The following STARD13 variants were observed in gnomAD, a reference collection of about 807,000 sequenced individuals.
STARD13 encodes StAR related lipid transfer domain containing 13.
STARD13 carries 62 observed loss-of-function variants against 106.4 expected under a neutral mutation model. That is an observed-to-expected ratio of 0.58 (90% CI 0.48 to 0.72). The LOEUF is 0.72. Ranked by LOEUF, STARD13 falls within the 30% of genes least tolerant of loss-of-function variation. STARD13 has a pLI of 0.00. For synonymous variants in STARD13, 565 were observed against 553.0 expected (o/e 1.02, Z -0.31); for missense variants, 1,387 against 1,424.0 (o/e 0.97, Z 0.42).
At chr13:33,430,118 C>T in the STARD13 span, among the ~76,000 whole-genome samples, 1 of 152,150 alleles carries the variant, frequency 6.6e-6, no homozygotes, top group African/African-American at 2.4e-5. Flanking sequence ...GGGGTTTCAC[C>T]ATGTTAGCCA....
chr13:33,534,017 C>T, the STARD13 span, among the ~76,000 whole-genome samples: 1 of 152,170 alleles, frequency 6.6e-6, no homozygotes, highest in South Asian at 2.1e-4. Flanking sequence ...GAACGTTGTG[C>T]TTAGGACTTT....
chr13:33,127,590 T>G, intron 5 of STARD13, 44 bp from the exon 6 acceptor site: 1 of 1,498,838 alleles, frequency 6.7e-7, no homozygotes, highest in South Asian at 1.3e-5. Flanking sequence ...CAAAGTGGAC[T>G]TGGTAGCGGG....
Position 33,285,532 on chromosome 13 carries a change from C to A in STARD13, c.107G>T (p.Arg36Leu). ...AATCCGGCTCATCCTGTAAGGAGAGCGTCTTGTAGTCTGATCAAATCGCAA... is the reference window on the plus strand; with the variant it reads ...AATCCGGCTCATCCTGTAAGGAGAGAGTCTTGTAGTCTGATCAAATCGCAA... ...MYLRFDQTTR[R>L]SPYRMSRILA... The change falls in exon 1 of 14, where the codon CGC becomes CTC. Residue 36 changes from arginine (R) to leucine (L), a missense_variant. Arg to Leu is a moderately radical substitution (Grantham distance 102). Coordinates refer to ENST00000336934, the MANE Select transcript of STARD13 (RefSeq NM_178006.4). 6.2e-7 allele frequency: 1 copy of A among 1,614,014 alleles called. No individual in the cohort carries two copies. Among genetic ancestry groups the A allele is most frequent in the Non-Finnish European group, 8.5e-7 (1 of 1,179,920 alleles).
In STARD13 at chr13:33,343,541, G is replaced by A. The variant is rs576861266; in HGVS notation, c.124+6749C>T. On this transcript the variant is annotated intron_variant, in intron 1 of 5. Coordinates refer to the STARD13 transcript ENST00000567873. Reference sequence around the variant, plus strand: ...TGCACTGAGCCATGATTCCATCACCGTACTCCAGACTGGGCAACAGATTGA... The same window carrying A: ...TGCACTGAGCCATGATTCCATCACCATACTCCAGACTGGGCAACAGATTGA... 1.4e-4 allele frequency among the ~76,000 whole-genome samples: 17 copies of A among 117,894 alleles called. No homozygotes were observed. In the East Asian group the frequency reaches 3.2e-3, roughly 22 times the overall value. 77.3% of individuals were successfully genotyped at this position (117,894 alleles called of 152,430 possible).
At chr13:33,182,743 A>C (rs973161372) in intron 1 of STARD13, among the ~76,000 whole-genome samples, 1 of 152,210 alleles carries the variant, frequency 6.6e-6, no homozygotes. Flanking sequence ...CTAAACCAGG[A>C]CTTCTGCAAC....
chr13:33,281,623 A>C (rs1199816838), intron 1 of STARD13: 1 of 152,226 alleles, frequency 6.6e-6, no homozygotes, highest in Non-Finnish European at 1.5e-5. Flanking sequence ...ATAGATATAC[A>C]ATGGAATATT....
the STARD13 span, among the ~76,000 whole-genome samples, chr13:33,615,762 A>G: frequency 6.6e-6 from 1 of 152,196 alleles, no homozygotes; most frequent in African/African-American, 2.4e-5. Flanking sequence ...TTCCTTTCCA[A>G]TAGCATCGCT....
the STARD13 span, among the ~76,000 whole-genome samples, chr13:33,400,732 G>T: frequency 6.6e-6 from 1 of 152,096 alleles, no homozygotes; most frequent in Non-Finnish European, 1.5e-5. Flanking sequence ...CAAAGTGCTG[G>T]GATTACAGGC....
the STARD13 span, among the ~76,000 whole-genome samples, chr13:33,364,780 T>C: frequency 6.0e-4 from 91 of 152,174 alleles, no homozygotes; most frequent in African/African-American, 2.0e-3. Context: ...TCCCAGCTAC[T>C]CGGGAGGCTG....
chr13:33,395,866 G>A, the STARD13 span, among the ~76,000 whole-genome samples: 1 of 151,978 alleles, frequency 6.6e-6, no homozygotes, highest in Admixed American at 6.6e-5. Flanking sequence ...TTTAAAGACG[G>A]GGGTCTCATC....
intron 7 of STARD13, among the ~76,000 whole-genome samples, chr13:33,123,345 G>T (rs562426002): frequency 6.6e-6 from 1 of 152,044 alleles, no homozygotes; most frequent in Non-Finnish European, 1.5e-5. Flanking sequence ...AATCTTTTTC[G>T]GGACTTAATG....
chr13:33,545,705 G>A, the STARD13 span, among the ~76,000 whole-genome samples: 1 of 152,146 alleles, frequency 6.6e-6, no homozygotes, highest in South Asian at 2.1e-4. Flanking sequence ...TGTCAGAGCT[G>A]GTTGTTAAGA....
In STARD13 at chr13:33,111,829, T is replaced by C. The variant is rs146676204; in HGVS notation, c.2556A>G (p.Ala852=). The C allele has an allele frequency of 1.1e-5, 17 of 1,614,098 alleles. No individual in the cohort carries two copies. In the African/African-American group the frequency reaches 2.1e-4, roughly 20 times the overall value. Residue 852 remains alanine (A), a synonymous_variant, in exon 10 of 14, where the codon GCA becomes GCG. Coordinates refer to ENST00000336934, the MANE Select transcript of STARD13 (RefSeq NM_178006.4). ...TCATGTGCGCTAGCCCCTGAGCTGC[T>C]GCCAGATTCTCGTTGAGGTCCTTTT... The part of the protein sequence containing the change: ...PDQKDLNENL[A]AAQGLAHMIM...
At chr13:33,634,426 C>T in the STARD13 span, among the ~76,000 whole-genome samples, 2 of 152,078 alleles carry the variant, frequency 1.3e-5, no homozygotes, top group South Asian at 2.1e-4. Flanking sequence ...ACTTTGGAAC[C>T]GTTTCTAAAC....
At chr13:33,529,082 G>A in the STARD13 span, among the ~76,000 whole-genome samples, 1 of 152,062 alleles carries the variant, frequency 6.6e-6, no homozygotes, top group African/African-American at 2.4e-5. Flanking sequence ...GGAAGCCAGA[G>A]ATCTAACTGT....
the STARD13 span, among the ~76,000 whole-genome samples, chr13:33,577,611 A>ATTCAATGGAGGAAGGACAGTCTT: frequency 6.6e-6 from 1 of 152,164 alleles, no homozygotes; most frequent in Admixed American, 6.5e-5. Context: ...AGTGAAGACA[A>ATTCAATGGAGGAAGGACAGTCTT]TTCAATGGAG....
At chr13:33,249,089 T>C (rs1445565269) in intron 1 of STARD13, among the ~76,000 whole-genome samples, 1 of 152,178 alleles carries the variant, frequency 6.6e-6, no homozygotes, top group Non-Finnish European at 1.5e-5. Flanking sequence ...ATAGGTGACA[T>C]GCTACATGAC....
At chr13:33,621,549 G>A in the STARD13 span, among the ~76,000 whole-genome samples, 2 of 151,502 alleles carry the variant, frequency 1.3e-5, no homozygotes, top group East Asian at 2.0e-4. Flanking sequence ...GTGTGGTGGT[G>A]GGTGCCTGTA....
the STARD13 span, among the ~76,000 whole-genome samples, chr13:33,490,276 C>G: frequency 2.0e-5 from 3 of 152,106 alleles, no homozygotes; most frequent in Non-Finnish European, 2.9e-5. Context: ...CAGGGAAATA[C>G]TGGGTAGAAG....
Sources: allele counts gnomAD v4.1 joint callset (sites outside exome capture counted in the v4.1 genomes callset), GRCh38; gene constraint gnomAD v4.1.1; transcripts MANE v1.5; gene names NCBI Gene and HGNC (gene_info 2026-07-23, HGNC 2026-07-21).